Variants in PTPRZ1 observed in about 807,000 individuals in gnomAD.
PTPRZ1 encodes the protein receptor-type tyrosine-protein phosphatase zeta.
Under a neutral mutation model 214.1 loss-of-function variants are expected in PTPRZ1, and 82 were observed. That is an observed-to-expected ratio of 0.38 (90% CI 0.32 to 0.46). The LOEUF is 0.46. Among genes scored for constraint, PTPRZ1 ranks in the 20% least tolerant of loss-of-function variants. The probability of loss-of-function intolerance (pLI) is 1.00; values close to 1 mark genes in which losing one functional copy is unlikely to be tolerated. For missense variants in PTPRZ1, 2,603 were observed against 2,748.7 expected, an observed-to-expected ratio of 0.95 and a Z score of 1.19; for synonymous variants, 945 against 987.9, an observed-to-expected ratio of 0.96 and a Z score of 0.81.
rs141029507 is a variant in PTPRZ1 at position 122,011,298 on chromosome 7, C to T, written c.2252C>T (p.Pro751Leu). The T allele has an allele frequency of 4.2e-5, 67 of 1,614,102 alleles. 1 individual carries two copies. The highest frequency in any genetic ancestry group is 3.3e-4 in the Middle Eastern group (2 of 6,062). The change falls in exon 12 of 30, where the codon CCG (proline) becomes CTG (leucine). Residue 751 changes from proline (P) to leucine (L), a missense_variant. By Grantham distance (98) the Pro-to-Leu change is moderately conservative. Coordinates refer to ENST00000393386, the MANE Select transcript of PTPRZ1 (RefSeq NM_002851.3). The part of the protein sequence containing the change: ...VNVVYSQTTQ[P>L]VYNGETPLQP... Reference sequence around the variant, plus strand: ...GTGGTATACTCGCAGACAACCCAACCGGTATACAATGGTGAGACACCTCTT... The same window carrying T: ...GTGGTATACTCGCAGACAACCCAACTGGTATACAATGGTGAGACACCTCTT...
At chr7:121,894,211 C>CT (rs1794720634) in intron 1 of PTPRZ1, among the ~76,000 whole-genome samples, 1 of 152,182 alleles carries the variant, frequency 6.6e-6, no homozygotes, top group South Asian at 2.1e-4. Flanking sequence ...GGAAGGACCC[C>CT]TTTGCCAAAA....
chr7:121,951,230 A>G (rs1446674348), intron 2 of PTPRZ1, among the ~76,000 whole-genome samples: 1 of 152,196 alleles, frequency 6.6e-6, no homozygotes, highest in East Asian at 1.9e-4. Context: ...TTTTAGTTCA[A>G]TTTCTTAAAC....
chr7:122,021,548 C>T (rs765209286), intron 13 of PTPRZ1, among the ~76,000 whole-genome samples: 4 of 151,994 alleles, frequency 2.6e-5, no homozygotes, highest in Admixed American at 2.0e-4. Flanking sequence ...GCCCAGGAAA[C>T]ATAGTGAGAC....
At chr7:121,939,216 A>G (rs1437978340) in intron 2 of PTPRZ1, among the ~76,000 whole-genome samples, 1 of 152,248 alleles carries the variant, frequency 6.6e-6, no homozygotes, top group Non-Finnish European at 1.5e-5. Context: ...GAGTGAGTTC[A>G]GAGCAAGGCT....
chr7:122,010,516 T>C lies in PTPRZ1; in HGVS notation c.1470T>C (p.Ser490=). 6.2e-7 allele frequency: 1 copy of C among 1,613,960 alleles called. No individual in the cohort carries two copies. Among genetic ancestry groups the C allele is most frequent in the Non-Finnish European group, 8.5e-7 (1 of 1,179,860 alleles). ...NRSPTRGSEF[S]GKGDVPNTSL... is the part of the protein sequence containing the mutation. ...CCCCAACAAGAGGAAGTGAATTCTC[T>C]GGAAAGGGTGATGTTCCCAATACAT... is the stretch of plus-strand genomic sequence containing the variant. Residue 490 remains serine (S), a synonymous_variant, in exon 12 of 30, where the codon TCT becomes TCC. Coordinates refer to ENST00000393386, the MANE Select transcript of PTPRZ1 (RefSeq NM_002851.3).
At chr7:122,027,664 T>C (rs1047408310) in intron 13 of PTPRZ1, among the ~76,000 whole-genome samples, 3 of 152,174 alleles carry the variant, frequency 2.0e-5, no homozygotes, top group Non-Finnish European at 4.4e-5. Flanking sequence ...CAGTTTTAAT[T>C]ATTCAATTTT....
chr7:121,907,894 TA>T (rs778698349), intron 1 of PTPRZ1, among the ~76,000 whole-genome samples: 3 of 152,080 alleles, frequency 2.0e-5, no homozygotes, highest in Non-Finnish European at 2.9e-5. Context: ...AAATAAAACT[TA>T]GCCACCATTT....
At chr7:121,979,118 C>A (rs918529917) in intron 6 of PTPRZ1, among the ~76,000 whole-genome samples, 1 of 151,932 alleles carries the variant, frequency 6.6e-6, no homozygotes, top group Non-Finnish European at 1.5e-5. Context: ...TAAGATCTAT[C>A]TTACTATGCT....
intron 6 of PTPRZ1, among the ~76,000 whole-genome samples, chr7:121,981,152 AAAG>A (rs1364932888): frequency 3.3e-5 from 5 of 151,818 alleles, no homozygotes; most frequent in Non-Finnish European, 7.4e-5. Context: ...AAAAAAAAAA[AAAG>A]AAAGAAAAGA....
At chr7:121,964,354 T>C (rs1297734588) in intron 2 of PTPRZ1, among the ~76,000 whole-genome samples, 1 of 152,196 alleles carries the variant, frequency 6.6e-6, no homozygotes, top group Non-Finnish European at 1.5e-5. Flanking sequence ...CAAATATGTC[T>C]TTCTTCACAA....
intron 2 of PTPRZ1, among the ~76,000 whole-genome samples, chr7:121,965,161 T>A (rs1185903663): frequency 7.2e-5 from 11 of 152,210 alleles, no homozygotes. Flanking sequence ...ATATGTGTTA[T>A]CACACAGTTT....
chr7:122,059,741 T>C lies in PTPRZ1; in HGVS notation c.6672-12T>C, dbSNP rs200900826. On this transcript the variant is annotated splice_polypyrimidine_tract_variant and intron_variant, in intron 28 of 29. Transcript: ENST00000393386. Reference sequence around the variant, plus strand: ...TGGAGTCTTTGTTCCTTTTCTTTTTTTTTTTTACAAGGCATGGAGGAGTGA... The same window carrying C: ...TGGAGTCTTTGTTCCTTTTCTTTTTCTTTTTTACAAGGCATGGAGGAGTGA... 2.3e-4 allele frequency: 358 copies of C among 1,586,042 alleles called. 1 individual carries two copies. The highest frequency in any genetic ancestry group is 2.8e-4 in the Non-Finnish European group (332 of 1,172,208).
chr7:121,945,299 A>T (rs555745550), intron 2 of PTPRZ1, among the ~76,000 whole-genome samples: 3 of 152,216 alleles, frequency 2.0e-5, no homozygotes, highest in African/African-American at 4.8e-5. Flanking sequence ...TATACTGTGT[A>T]AGATGCAGTC....
intron 8 of PTPRZ1, among the ~76,000 whole-genome samples, chr7:121,993,573 A>C (rs1162706742): frequency 4.7e-5 from 1 of 21,476 alleles, no homozygotes; most frequent in Non-Finnish European, 1.7e-4. Context: ...AGACTGTCTC[A>C]AAAAAAAAAA....
chr7:121,976,123 T>G (rs1386427475), intron 4 of PTPRZ1, 50 bp from the exon 5 acceptor site: 2 of 1,268,908 alleles, frequency 1.6e-6, no homozygotes, highest in East Asian at 4.7e-5. Flanking sequence ...TCTTTGCTGA[T>G]TTTTATGAAG....
chr7:121,902,222 A>G (rs1312182076), intron 1 of PTPRZ1, among the ~76,000 whole-genome samples: 1 of 152,154 alleles, frequency 6.6e-6, no homozygotes, highest in Non-Finnish European at 1.5e-5. Context: ...TGATGTATAT[A>G]TACCACATTT....
chr7:122,014,393 C>T (rs1323482786), intron 12 of PTPRZ1, among the ~76,000 whole-genome samples: 5 of 152,040 alleles, frequency 3.3e-5, no homozygotes, highest in African/African-American at 1.2e-4. Context: ...TTAATTTCCA[C>T]ATTCATATCA....
rs1353101392 is a variant in PTPRZ1, at chr7:122,000,681, ATATATATATATAT to A, written c.1240+2676_1240+2688del. 1.2e-4 allele frequency among the ~76,000 whole-genome samples: 12 copies of A among 97,874 alleles called. 1 individual carries two copies. The highest frequency in any genetic ancestry group is 1.2e-3 in the Admixed American group (12 of 10,210). 64.2% of individuals were successfully genotyped at this position (97,874 alleles called of 152,430 possible). A position where few individuals can be genotyped will look rare whatever the true frequency, so the allele number is the denominator to read the frequency against. On this transcript the variant is annotated intron_variant, in intron 10 of 29. Coordinates refer to ENST00000393386, the MANE Select transcript of PTPRZ1 (RefSeq NM_002851.3). ...TATATATATATATATATATATATAT[ATATATATATATAT>A]ATATATATTTGAGGTGGAGTCTTGC...
At chr7:121,961,304 A>C (rs1372800418) in intron 2 of PTPRZ1, among the ~76,000 whole-genome samples, 1 of 152,042 alleles carries the variant, frequency 6.6e-6, no homozygotes, top group Admixed American at 6.6e-5. Flanking sequence ...CCCTGCATTC[A>C]CTCTGCTCAT....
Sources: gnomAD v4.1 joint callset for allele counts (sites outside exome capture counted in the v4.1 genomes callset) on GRCh38, gnomAD v4.1.1 for gene constraint, MANE v1.5 for transcripts, NCBI Gene and HGNC (gene_info 2026-07-23, HGNC 2026-07-21) for gene names.